Variants in ARFGEF2 observed in about 807,000 individuals in gnomAD.
ARFGEF2 encodes the protein ARF guanine nucleotide exchange factor 2, also known as brefeldin A-inhibited guanine nucleotide-exchange protein 2.
ARFGEF2 carries 74 observed loss-of-function variants against 219.9 expected under a neutral mutation model. The observed-to-expected ratio is 0.34, with a 90% confidence interval of 0.28 to 0.41. ARFGEF2 has a LOEUF of 0.41. ARFGEF2 is among the 10% of genes least tolerant of loss of function. The pLI is 1.00. For synonymous variants in ARFGEF2, 733 were observed against 799.2 expected (o/e 0.92, Z 1.40); for missense variants, 1,743 against 2,218.3 (o/e 0.79, Z 4.30).
chr20:49,009,663 A>G (rs2091483906), intron 26 of ARFGEF2, among the ~76,000 whole-genome samples: 1 of 152,210 alleles, frequency 6.6e-6, no homozygotes, highest in African/African-American at 2.4e-5. Flanking sequence ...TTCAGGTTTT[A>G]CTTTATAATA....
chr20:49,031,946 T>G, intron 37 of ARFGEF2, 103 bp from the exon 38 acceptor site: 1 of 937,026 alleles, frequency 1.1e-6, no homozygotes, highest in Non-Finnish European at 1.7e-6. Flanking sequence ...AAAAAAAACA[T>G]GTTAAAATAA....
chr20:48,962,205 A>G (rs2091157289), intron 6 of ARFGEF2, among the ~76,000 whole-genome samples: 1 of 152,102 alleles, frequency 6.6e-6, no homozygotes, highest in East Asian at 1.9e-4. Flanking sequence ...AAATAAATAA[A>G]TAACAAACTA....
chr20:48,926,459 CTT>C (rs949841598), intron 1 of ARFGEF2, among the ~76,000 whole-genome samples: 2 of 144,680 alleles, frequency 1.4e-5, no homozygotes, highest in Admixed American at 6.9e-5. Flanking sequence ...TTCAGTTTTT[CTT>C]TTTTTTTTTT....
At chr20:48,926,196 C>G (rs2090875882) in intron 1 of ARFGEF2, among the ~76,000 whole-genome samples, 1 of 152,138 alleles carries the variant, frequency 6.6e-6, no homozygotes, top group South Asian at 2.1e-4. Context: ...CTTGCTTCTC[C>G]ATATGAAAGT....
Position 49,017,382 on chromosome 20 carries a change from A to T in ARFGEF2, c.4449A>T (p.Pro1483=). 1 of 1,614,056 alleles carries T rather than the reference A, an allele frequency of 6.2e-7. No homozygotes were observed. The highest frequency in any genetic ancestry group is 1.1e-5 in the South Asian group (1 of 91,092). ...TGGATATTTTCAAAACAACCATCCC[A>T]CATGTGTAAGTGTTCATGCAGTTGT... The part of the protein sequence containing the change: ...CMLDIFKTTI[P]HVLLTWRPVG... Residue 1483 remains proline, a synonymous_variant, in exon 32 of 39, where the codon CCA becomes CCT. Transcript: ENST00000371917.
intron 12 of ARFGEF2, 44 bp from the exon 13 acceptor site, chr20:48,974,722 C>T: frequency 6.6e-7 from 1 of 1,523,906 alleles, no homozygotes; most frequent in East Asian, 2.3e-5. Flanking sequence ...CTGTTCTCTT[C>T]ATTTTTCTGT....
intron 34 of ARFGEF2, among the ~76,000 whole-genome samples, chr20:49,022,439 A>C (rs1437479772): frequency 8.5e-6 from 1 of 117,220 alleles, no homozygotes; most frequent in Non-Finnish European, 1.9e-5. Flanking sequence ...CAAAAAAAAA[A>C]AACCCACAAG....
intron 26 of ARFGEF2, 66 bp downstream of exon 26, chr20:49,005,287 A>G: frequency 6.3e-7 from 1 of 1,585,406 alleles, no homozygotes; most frequent in Non-Finnish European, 8.6e-7. Context: ...AGCCCTCCTA[A>G]CACTAACCAC....
At chr20:48,981,525 C>T (rs984767407) in intron 14 of ARFGEF2, among the ~76,000 whole-genome samples, 1 of 152,164 alleles carries the variant, frequency 6.6e-6, no homozygotes, top group Non-Finnish European at 1.5e-5. Context: ...TGAAAGTTGG[C>T]CTGCCTTGCT....
At position 49,028,544 on chromosome 20, in the gene ARFGEF2, T is replaced by A. The variant is rs587780281; in HGVS notation, c.4939T>A (p.Ser1647Thr). The change falls in exon 37 of 39, where the codon TCT becomes ACT. Residue 1647 changes from serine to threonine, a missense_variant. Physicochemically the swap from Ser to Thr is moderately conservative, Grantham distance 58 (BLOSUM62 1). This residue lies in a region of ARFGEF2 where 578 missense variants were observed against 664.0 expected (regional missense o/e 0.87). Coordinates refer to ENST00000371917, the MANE Select transcript of ARFGEF2 (RefSeq NM_006420.3). The stretch of plus-strand genomic sequence containing the variant: ...CTGATCTCTAGGTTTTAAGGGCAAG[T>A]CTAAACCCAATCTTCTAAAACAAGA... ...VLWRAGFKGK[S>T]KPNLLKQETS... The A allele has an allele frequency of 4.5e-5, 72 of 1,614,208 alleles. No individual in the cohort carries two copies. In the South Asian group the frequency reaches 7.8e-4, roughly 17 times the overall value.
chr20:48,936,549 A>T (rs1457754592), intron 1 of ARFGEF2, among the ~76,000 whole-genome samples: 2 of 151,078 alleles, frequency 1.3e-5, no homozygotes, highest in African/African-American at 4.9e-5. Context: ...TTTGAGACGG[A>T]GTTTCCCTCT....
At chr20:49,008,399 C>T (rs1171788513) in intron 26 of ARFGEF2, among the ~76,000 whole-genome samples, 1 of 151,638 alleles carries the variant, frequency 6.6e-6, no homozygotes, top group African/African-American at 2.4e-5. Context: ...CCCGTCTCTA[C>T]TAAAAATACA....
At chr20:48,931,476 T>A (rs927372880) in intron 1 of ARFGEF2, among the ~76,000 whole-genome samples, 4 of 152,172 alleles carry the variant, frequency 2.6e-5, no homozygotes, top group African/African-American at 9.7e-5. Flanking sequence ...GTAAATGAAC[T>A]GATATATAAT....
chr20:48,958,562 G>A (rs1223994160), intron 6 of ARFGEF2, among the ~76,000 whole-genome samples: 1 of 151,338 alleles, frequency 6.6e-6, no homozygotes, highest in Non-Finnish European at 1.5e-5. Flanking sequence ...TCAGCCTCCC[G>A]AGTAGCTGGG....
intron 1 of ARFGEF2, among the ~76,000 whole-genome samples, chr20:48,927,896 C>T (rs1006665381): frequency 2.0e-5 from 3 of 152,078 alleles, no homozygotes; most frequent in Non-Finnish European, 2.9e-5. Context: ...GTGGATTCTT[C>T]AGGAGGAGGT....
At chr20:49,013,801 C>G (rs2091515101) in intron 29 of ARFGEF2, 30 bp from the exon 30 acceptor site, 1 of 1,614,102 alleles carries the variant, frequency 6.2e-7, no homozygotes, top group Non-Finnish European at 8.5e-7. Context: ...CCACCATTCT[C>G]TCTTCTGTGC....
chr20:48,924,009 G>C (rs1265981563), intron 1 of ARFGEF2, among the ~76,000 whole-genome samples: 2 of 152,218 alleles, frequency 1.3e-5, no homozygotes, highest in Non-Finnish European at 2.9e-5. Context: ...ACAAATTGGG[G>C]TTGTGCCAAT....
intron 1 of ARFGEF2, among the ~76,000 whole-genome samples, chr20:48,927,726 A>G (rs1046623004): frequency 6.6e-6 from 1 of 152,102 alleles, no homozygotes; most frequent in Non-Finnish European, 1.5e-5. Flanking sequence ...ATAAATTGAC[A>G]TAACAAGACT....
Position 48,965,913 on chromosome 20 carries a change from C to A in ARFGEF2, c.949C>A (p.Leu317Ile). Reference protein sequence around the residue: ...KHGLTEPERVLGELECQECAI... With the variant: ...KHGLTEPERVIGELECQECAI... ...TGGTCTGACAGAACCTGAGAGAGTT[C>A]TAGGTGAACTGGAGTGCCAGGAATG... Residue 317 changes from leucine (L) to isoleucine (I), a missense_variant, in exon 8 of 39, where the codon CTA becomes ATA. By Grantham distance (5) the Leu-to-Ile change is conservative. Around this residue, in one of 5 missense-constraint regions of ARFGEF2, gnomAD observed 394 missense variants for 426.6 expected, o/e 0.92. Coordinates refer to ENST00000371917, the MANE Select transcript of ARFGEF2 (RefSeq NM_006420.3). 1 of 1,614,170 alleles carries A rather than the reference C, an allele frequency of 6.2e-7. No homozygotes were observed. Among genetic ancestry groups the A allele is most frequent in the South Asian group, 1.1e-5 (1 of 91,084 alleles).
Sources: gnomAD v4.1 joint callset for allele counts (sites outside exome capture counted in the v4.1 genomes callset) on GRCh38, gnomAD v4.1.1 for gene constraint, gnomAD v4.1.1 regional missense constraint, MANE v1.5 for transcripts, NCBI Gene and HGNC (gene_info 2026-07-23, HGNC 2026-07-21) for gene names.